The following DCC variants were observed in gnomAD, a reference collection of about 807,000 sequenced individuals.
DCC encodes the protein DCC netrin 1 receptor, also known as netrin receptor DCC.
A neutral mutation model predicts 172.5 loss-of-function variants in DCC; 58 were observed. The observed-to-expected ratio is 0.34, with a 90% confidence interval of 0.27 to 0.42. The LOEUF is 0.42. Among genes scored for constraint, DCC ranks in the 10% least tolerant of loss-of-function variants. The probability of loss-of-function intolerance (pLI) is 1.00; values close to 1 mark genes in which losing one functional copy is unlikely to be tolerated. For missense variants in DCC, 1,740 were observed against 1,791.0 expected, an observed-to-expected ratio of 0.97 and a Z score of 0.51; for synonymous variants, 709 against 644.5, an observed-to-expected ratio of 1.10 and a Z score of -1.52.
At chr18:52,383,667 A>T (rs917710918) in intron 1 of DCC, among the ~76,000 whole-genome samples, 2 of 152,002 alleles carry the variant, frequency 1.3e-5, no homozygotes, top group African/African-American at 4.8e-5. Flanking sequence ...AATTATTCAG[A>T]TGTTGTTTTT....
Position 52,941,752 on chromosome 18 carries a change from A to G in DCC, c.985+16382A>G, listed in dbSNP as rs188364045. On this transcript the variant is annotated intron_variant, in intron 5 of 28. Transcript: ENST00000442544. ...ACTGTACTACTTACATGTAGTTTAT[A>G]TATTTCATATTTTCTGATGTTTATT... Among the ~76,000 whole-genome samples the G allele has an allele frequency of 2.5e-4, 38 of 152,142 alleles. No individual in the cohort carries two copies. The East Asian group carries it at 6.6e-3, about 26-fold the overall frequency.
intron 9 of DCC, among the ~76,000 whole-genome samples, chr18:53,187,240 A>G (rs2055296539): frequency 6.6e-6 from 1 of 151,378 alleles, no homozygotes; most frequent in Non-Finnish European, 1.5e-5. Flanking sequence ...CTCCTGCCTC[A>G]ACGTCCCAAG....
chr18:52,977,687 C>T (rs1320132456), intron 5 of DCC, among the ~76,000 whole-genome samples: 3 of 151,868 alleles, frequency 2.0e-5, no homozygotes, highest in Non-Finnish European at 4.4e-5. Context: ...AGATTGAGAC[C>T]ATCCTGGCTA....
At chr18:52,664,709 G>A (rs892253262) in intron 1 of DCC, among the ~76,000 whole-genome samples, 19 of 151,830 alleles carry the variant, frequency 1.3e-4, no homozygotes, top group Non-Finnish European at 2.2e-4. Context: ...CTGACCTCGT[G>A]ATCCGCCCGC....
chr18:52,541,875 GTATATATATATATATATATA>G (rs765428849), intron 1 of DCC, among the ~76,000 whole-genome samples: 10 of 115,188 alleles, frequency 8.7e-5, no homozygotes, highest in South Asian at 2.9e-4. Flanking sequence ...GTGTGTGTGT[GTATATATATATATATATATA>G]TGTGTATATA....
intron 5 of DCC, among the ~76,000 whole-genome samples, chr18:52,947,388 C>T (rs940802040): frequency 1.3e-5 from 2 of 152,114 alleles, no homozygotes; most frequent in African/African-American, 4.8e-5. Context: ...ATCATCTAAG[C>T]AAGACCAGTT....
chr18:52,979,333 A>G (rs2041170160), intron 5 of DCC, among the ~76,000 whole-genome samples: 1 of 152,162 alleles, frequency 6.6e-6, no homozygotes, highest in African/African-American at 2.4e-5. Flanking sequence ...GGGAAATAAC[A>G]GCATTTAGGA....
intron 1 of DCC, among the ~76,000 whole-genome samples, chr18:52,446,024 C>T (rs1988110432): frequency 6.6e-6 from 1 of 152,154 alleles, no homozygotes; most frequent in South Asian, 2.1e-4. Flanking sequence ...CTCCGCCTCC[C>T]GGGTTCACGT....
chr18:52,499,990 G>A (rs891204417), intron 1 of DCC, among the ~76,000 whole-genome samples: 8 of 152,024 alleles, frequency 5.3e-5, no homozygotes, highest in Admixed American at 1.3e-4. Context: ...AAATCAGCAC[G>A]GATTAACACC....
chr18:53,485,262 C>A (rs1012473916), intron 25 of DCC, among the ~76,000 whole-genome samples: 1 of 151,926 alleles, frequency 6.6e-6, no homozygotes, highest in African/African-American at 2.4e-5. Flanking sequence ...TGTCATAAAC[C>A]TCTAATATAC....
intron 2 of DCC, among the ~76,000 whole-genome samples, chr18:52,803,455 A>C (rs1469089665): frequency 1.3e-5 from 2 of 152,082 alleles, no homozygotes; most frequent in African/African-American, 2.4e-5. Context: ...TTCTGTTTAC[A>C]TTTCTCTCTA....
chr18:52,512,065 TAA>T (rs1455343700), intron 1 of DCC, among the ~76,000 whole-genome samples: 2 of 152,202 alleles, frequency 1.3e-5, no homozygotes, highest in Non-Finnish European at 2.9e-5. Flanking sequence ...ACAAGAAGTC[TAA>T]GTTATTATTC....
At chr18:52,860,982 G>C (rs957410512) in intron 2 of DCC, among the ~76,000 whole-genome samples, 1 of 139,394 alleles carries the variant, frequency 7.2e-6, no homozygotes, top group African/African-American at 2.7e-5. Flanking sequence ...CTCCAGCCTG[G>C]ATGACAAAGC....
intron 1 of DCC, among the ~76,000 whole-genome samples, chr18:52,441,111 A>G (rs1417630000): frequency 6.6e-6 from 1 of 152,186 alleles, no homozygotes. Context: ...TCTATGATTA[A>G]CTTCCTATGA....
intron 7 of DCC, among the ~76,000 whole-genome samples, chr18:53,067,554 T>C (rs987549508): frequency 1.3e-5 from 2 of 151,894 alleles, no homozygotes; most frequent in African/African-American, 4.8e-5. Context: ...CTAGAATAAA[T>C]TGATACTAGA....
At chr18:53,306,858 C>T (rs1035346825) in intron 13 of DCC, among the ~76,000 whole-genome samples, 6 of 152,066 alleles carry the variant, frequency 3.9e-5, no homozygotes, top group African/African-American at 1.2e-4. Flanking sequence ...TGAAGTTGAG[C>T]GACTCTGAAG....
At chr18:52,791,890 A>G (rs975053039) in intron 2 of DCC, among the ~76,000 whole-genome samples, 1 of 152,154 alleles carries the variant, frequency 6.6e-6, no homozygotes, top group Non-Finnish European at 1.5e-5. Flanking sequence ...CCTTAAAAGA[A>G]AGTAGGTATC....
chr18:53,037,708 C>T (rs929480959), intron 5 of DCC, among the ~76,000 whole-genome samples: 3 of 151,954 alleles, frequency 2.0e-5, no homozygotes, highest in Admixed American at 6.6e-5. Flanking sequence ...TCTGAAAGCC[C>T]GGTCTTTGAA....
chr18:53,255,135 T>C (rs1285054989), intron 12 of DCC, among the ~76,000 whole-genome samples: 1 of 152,068 alleles, frequency 6.6e-6, no homozygotes, highest in Non-Finnish European at 1.5e-5. Context: ...TCTAGCTTCC[T>C]GGGTATTCCT....
Sources: gnomAD v4.1 joint callset for allele counts (sites outside exome capture counted in the v4.1 genomes callset) on GRCh38, gnomAD v4.1.1 for gene constraint, MANE v1.5 for transcripts, NCBI Gene and HGNC (gene_info 2026-07-23, HGNC 2026-07-21) for gene names.